PABPC4L: variants seen among roughly 807,000 people sequenced by gnomAD.
PABPC4L encodes polyadenylate-binding protein 4-like.
For missense variants in PABPC4L, 452 were observed against 451.4 expected, an observed-to-expected ratio of 1.00 and a Z score of -0.01; for synonymous variants, 169 against 164.1, an observed-to-expected ratio of 1.03 and a Z score of -0.23.
the PABPC4L span, among the ~76,000 whole-genome samples, chr4:133,976,371 T>C: frequency 1.3e-5 from 2 of 152,178 alleles, no homozygotes; most frequent in East Asian, 1.9e-4. Flanking sequence ...GGCATTTGGG[T>C]TGATTCCATG....
chr4:134,118,755 C>T, the PABPC4L span, among the ~76,000 whole-genome samples: 5 of 151,648 alleles, frequency 3.3e-5, no homozygotes, highest in African/African-American at 4.8e-5. Flanking sequence ...AAAGTATATT[C>T]CCTAGTTTGC....
the PABPC4L span, among the ~76,000 whole-genome samples, chr4:134,055,709 A>C: frequency 6.8e-6 from 1 of 147,726 alleles, no homozygotes; most frequent in Non-Finnish European, 1.5e-5. Flanking sequence ...TTTTTTACAT[A>C]TACCAGATCC....
At chr4:134,064,300 G>C in the PABPC4L span, among the ~76,000 whole-genome samples, 8 of 151,910 alleles carry the variant, frequency 5.3e-5, no homozygotes, top group African/African-American at 1.9e-4. Context: ...TGAAATTTGA[G>C]ATTTGGGTTT....
the PABPC4L span, among the ~76,000 whole-genome samples, chr4:133,953,918 C>A: frequency 6.6e-6 from 1 of 152,308 alleles, no homozygotes; most frequent in Non-Finnish European, 1.5e-5. Flanking sequence ...CCAAGCGGAT[C>A]TTTTAGAAGT....
At chr4:134,030,269 T>A in the PABPC4L span, among the ~76,000 whole-genome samples, 149 of 152,144 alleles carry the variant, frequency 9.8e-4, no homozygotes, top group Middle Eastern at 6.8e-3. Context: ...TTAGGAGGCC[T>A]CAGAAAAAGA....
the PABPC4L span, among the ~76,000 whole-genome samples, chr4:134,086,892 G>A: frequency 1.1e-4 from 17 of 151,508 alleles, no homozygotes; most frequent in Non-Finnish European, 1.8e-4. Context: ...ATGCTGGTGC[G>A]CTGCACCCAC....
chr4:134,112,781 T>G, the PABPC4L span, among the ~76,000 whole-genome samples: 3 of 151,972 alleles, frequency 2.0e-5, no homozygotes, highest in Admixed American at 1.3e-4. Context: ...TAGAATAGTA[T>G]TAGAATAGTC....
At chr4:134,171,367 G>T in the PABPC4L span, among the ~76,000 whole-genome samples, 87 of 152,188 alleles carry the variant, frequency 5.7e-4, no homozygotes, top group Non-Finnish European at 9.9e-4. Flanking sequence ...ACTTGCCTCG[G>T]CCTCCCAAAG....
chr4:134,161,025 A>T, the PABPC4L span, among the ~76,000 whole-genome samples: 1 of 152,092 alleles, frequency 6.6e-6, no homozygotes, highest in African/African-American at 2.4e-5. Context: ...AGGAAGCTCA[A>T]TGAGCTTGAA....
At chr4:134,121,766 T>C in the PABPC4L span, among the ~76,000 whole-genome samples, 1 of 151,804 alleles carries the variant, frequency 6.6e-6, no homozygotes, top group Non-Finnish European at 1.5e-5. Flanking sequence ...ATGCTGAATA[T>C]CAGTGTTCTT....
the PABPC4L span, among the ~76,000 whole-genome samples, chr4:134,005,835 T>A: frequency 6.6e-6 from 1 of 151,668 alleles, no homozygotes; most frequent in African/African-American, 2.4e-5. Context: ...TTACTCGCCA[T>A]CTGAAAATCA....
the PABPC4L span, among the ~76,000 whole-genome samples, chr4:133,986,187 T>C: frequency 6.6e-6 from 1 of 152,112 alleles, no homozygotes; most frequent in African/African-American, 2.4e-5. Flanking sequence ...AGGTAGCAGG[T>C]ATTAAATGCT....
chr4:133,954,810 A>G, the PABPC4L span, among the ~76,000 whole-genome samples: 1 of 152,026 alleles, frequency 6.6e-6, no homozygotes, highest in Non-Finnish European at 1.5e-5. Flanking sequence ...ATAGGTTTTA[A>G]CTCTGGGGAT....
chr4:134,023,011 C>T, the PABPC4L span, among the ~76,000 whole-genome samples: 2 of 151,742 alleles, frequency 1.3e-5, no homozygotes, highest in Non-Finnish European at 2.9e-5. Flanking sequence ...ACTTTCAGCT[C>T]CTTAGATCTC....
At chr4:134,055,263 T>C in the PABPC4L span, among the ~76,000 whole-genome samples, 1 of 152,000 alleles carries the variant, frequency 6.6e-6, no homozygotes, top group African/African-American at 2.4e-5. Flanking sequence ...AAGTGCACTA[T>C]ATAGGAGGGC....
At chr4:133,985,476 C>T in the PABPC4L span, among the ~76,000 whole-genome samples, 960 of 151,854 alleles carry the variant, frequency 6.3e-3, 11 homozygotes, top group African/African-American at 0.022. Flanking sequence ...TATATCTTTG[C>T]TTAGAAAAAT....
At chr4:134,118,539 C>T in the PABPC4L span, among the ~76,000 whole-genome samples, 3 of 151,576 alleles carry the variant, frequency 2.0e-5, no homozygotes, top group Admixed American at 2.0e-4. Flanking sequence ...TAATTTTTAT[C>T]CTGTTTGATT....
the PABPC4L span, among the ~76,000 whole-genome samples, chr4:134,177,861 A>G: frequency 6.6e-6 from 1 of 152,032 alleles, no homozygotes; most frequent in South Asian, 2.1e-4. Flanking sequence ...CCCAGAGTGC[A>G]GGGCTCATGA....
chr4:134,097,943 G>A, the PABPC4L span, among the ~76,000 whole-genome samples: 2 of 151,762 alleles, frequency 1.3e-5, no homozygotes, highest in Admixed American at 1.3e-4. Context: ...ACAGGCAGTA[G>A]CTAGACCTAC....
Sources: allele counts gnomAD v4.1 joint callset (sites outside exome capture counted in the v4.1 genomes callset), GRCh38; gene constraint gnomAD v4.1.1; transcripts MANE v1.5; gene names NCBI Gene and HGNC (gene_info 2026-07-23, HGNC 2026-07-21).